Variants in FKBP1A observed in about 807,000 individuals in gnomAD.
FKBP1A encodes the protein peptidyl-prolyl cis-trans isomerase FKBP1A.
Under a neutral mutation model 14.2 loss-of-function variants are expected in FKBP1A, and 5 were observed. The observed-to-expected ratio is 0.35, with a 90% CI of 0.18 to 0.74. The LOEUF is 0.74. FKBP1A is among the 30% of genes least tolerant of loss of function. The probability of loss-of-function intolerance (pLI) is 0.56; values close to 1 mark genes in which losing one functional copy is unlikely to be tolerated. For missense variants in FKBP1A, 53 were observed against 138.8 expected, an observed-to-expected ratio of 0.38 and a Z score of 3.10; for synonymous variants, 42 against 49.1, an observed-to-expected ratio of 0.86 and a Z score of 0.60.
chr20:1,371,044 T>C (rs1296019655), intron 4 of FKBP1A: 2 of 985,308 alleles, frequency 2.0e-6, no homozygotes, highest in African/African-American at 3.5e-5. Context: ...CAGGACCAGG[T>C]TACAAGTAGC....
chr20:1,376,128 G>A lies in FKBP1A; in HGVS notation c.86-525C>T, dbSNP rs1483688849. ...TGCCACCCCCATGGGCTCCTCTGTGGTTCACTAATTGTGACCTACACACAT... is the reference window on the plus strand; with the variant it reads ...TGCCACCCCCATGGGCTCCTCTGTGATTCACTAATTGTGACCTACACACAT... On this transcript the variant is annotated intron_variant, in intron 2 of 4. Coordinates refer to ENST00000400137, the MANE Select transcript of FKBP1A (RefSeq NM_000801.5). Among the ~76,000 whole-genome samples the A allele has an allele frequency of 2.6e-5, 4 of 152,204 alleles. No homozygotes were observed. The East Asian group carries it at 7.7e-4, about 29-fold the overall frequency.
intron 2 of FKBP1A, among the ~76,000 whole-genome samples, chr20:1,390,415 G>A (rs953404815): frequency 6.6e-6 from 1 of 152,100 alleles, no homozygotes; most frequent in African/African-American, 2.4e-5. Flanking sequence ...CCAGTTGGGA[G>A]AAGCAGACAA....
rs1315587440 is a variant in FKBP1A at position 1,386,512 on chromosome 20, T to G, written c.85+6322A>C. 2.0e-5 allele frequency among the ~76,000 whole-genome samples: 3 copies of G among 152,212 alleles called. No individual in the cohort carries two copies. The highest frequency in any genetic ancestry group is 4.4e-5 in the Non-Finnish European group (3 of 68,024). ...GTTGGGGAAAGAGCAGATGTTTAACTACACGGATCCTGACTATGATGGGGG... is the reference window on the plus strand; with the variant it reads ...GTTGGGGAAAGAGCAGATGTTTAACGACACGGATCCTGACTATGATGGGGG... On this transcript the variant is annotated intron_variant, in intron 2 of 4. Coordinates refer to ENST00000400137, the MANE Select transcript of FKBP1A (RefSeq NM_000801.5). The surrounding 1 kb of genome is among the most constrained non-coding windows in gnomAD (Gnocchi z 4.7).
intron 2 of FKBP1A, among the ~76,000 whole-genome samples, chr20:1,387,240 A>AC (rs930082122): frequency 2.2e-4 from 34 of 152,134 alleles, no homozygotes; most frequent in African/African-American, 7.7e-4. Context: ...AAGGTCATGG[A>AC]CCCCACTGAA....
At position 1,384,525 on chromosome 20, in the gene FKBP1A, C is replaced by T. The variant is rs147547113; in HGVS notation, c.85+8309G>A. 4.3e-3 allele frequency among the ~76,000 whole-genome samples: 654 copies of T among 152,260 alleles called. 8 individuals carry two copies. Among genetic ancestry groups the T allele is most frequent in the African/African-American group, 0.015 (633 of 41,542 alleles). Reference sequence around the variant, plus strand: ...CAAAGATAAAGACATAGTCCTTTAGCAAATGATTTATGTTAGAGTTTGAAA... The same window carrying T: ...CAAAGATAAAGACATAGTCCTTTAGTAAATGATTTATGTTAGAGTTTGAAA... On this transcript the variant is annotated intron_variant, in intron 2 of 4. Transcript: ENST00000400137.
chr20:1,381,294 T>G (rs2089614317), intron 2 of FKBP1A, among the ~76,000 whole-genome samples: 1 of 152,146 alleles, frequency 6.6e-6, no homozygotes, highest in Non-Finnish European at 1.5e-5. Context: ...AACAGATACT[T>G]CATTGAAAAA....
intron 4 of FKBP1A, chr20:1,371,002 TA>T: frequency 4.1e-6 from 4 of 985,382 alleles, no homozygotes; most frequent in Non-Finnish European, 4.8e-6. Context: ...ACAGAGAGTT[TA>T]AAAAGCCCCT....
At chr20:1,391,208 G>A (rs1396988089) in intron 2 of FKBP1A, among the ~76,000 whole-genome samples, 2 of 152,106 alleles carry the variant, frequency 1.3e-5, no homozygotes, top group East Asian at 3.9e-4. Context: ...AGGGGGTGCG[G>A]CAGAAGGCAG....
Position 1,369,984 on chromosome 20 carries a change from T to C in FKBP1A, c.*125A>G, listed in dbSNP as rs1306929453. ...AGAACACATTCAGTCAGGGCAGATG[T>C]CTATACAAAGTGGAGTGGAACATCA... is the stretch of plus-strand genomic sequence containing the variant. On this transcript the variant is annotated 3_prime_UTR_variant, in exon 5 of 5. Coordinates refer to ENST00000400137, the MANE Select transcript of FKBP1A (RefSeq NM_000801.5). 2 of 1,544,950 alleles carry C rather than the reference T, an allele frequency of 1.3e-6. No individual in the cohort carries two copies. The highest frequency in any genetic ancestry group is 1.7e-6 in the Non-Finnish European group (2 of 1,143,766).
intron 4 of FKBP1A, 82 bp downstream of exon 4, chr20:1,371,984 GTTTTTTGTTC>G (rs2089471616): frequency 6.6e-7 from 1 of 1,504,304 alleles, no homozygotes; most frequent in Non-Finnish European, 8.9e-7. Context: ...GCCTTGTGGT[GTTTTTTGTTC>G]TCTCTGCTAC....
At chr20:1,388,119 A>C (rs190109621) in intron 2 of FKBP1A, among the ~76,000 whole-genome samples, 1 of 152,368 alleles carries the variant, frequency 6.6e-6, no homozygotes, top group Admixed American at 6.5e-5. Flanking sequence ...CAAATTTAGC[A>C]TCACAACTAG....
rs1219798606 is a variant in FKBP1A, at chr20:1,377,212, G to A, written c.86-1609C>T. ...TAAAAAACAGTGTCAACATTTGTAA[G>A]TAGGATGGGGAGGCAGAGATGAATT... On this transcript the variant is annotated intron_variant, in intron 2 of 4. Coordinates refer to ENST00000400137, the MANE Select transcript of FKBP1A (RefSeq NM_000801.5). 3.3e-5 allele frequency: 5 copies of A among 152,244 alleles called. No homozygotes were observed. The East Asian group carries it at 9.6e-4, about 29-fold the overall frequency. 9.4% of individuals were successfully genotyped at this position (152,244 alleles called of 1,614,324 possible). A position where few individuals can be genotyped will look rare whatever the true frequency, so the allele number is the denominator to read the frequency against.
intron 4 of FKBP1A, chr20:1,371,803 A>T: frequency 9.1e-7 from 1 of 1,104,836 alleles, no homozygotes; most frequent in Non-Finnish European, 1.1e-6. Context: ...ATTCAGTTTT[A>T]ATTTATAAAC....
Position 1,379,102 on chromosome 20 carries a change from C to T in FKBP1A, c.86-3499G>A, listed in dbSNP as rs532061258. Among the ~76,000 whole-genome samples the T allele has an allele frequency of 1.3e-5, 2 of 152,026 alleles. No individual in the cohort carries two copies. The highest frequency in any genetic ancestry group is 4.8e-5 in the African/African-American group (2 of 41,370). On this transcript the variant is annotated intron_variant, in intron 2 of 4. Coordinates refer to ENST00000400137, the MANE Select transcript of FKBP1A (RefSeq NM_000801.5). This position sits in a 1 kb window ranked among gnomAD's most constrained non-coding sequence, Gnocchi z 4.3. ...GTACGGTATACCTATAAAAAATTAG[C>T]CTTATTTCTTGCCAAACTTGAACAC...
At chr20:1,376,790 T>G (rs1451382168) in intron 2 of FKBP1A, 1 of 152,086 alleles carries the variant, frequency 6.6e-6, no homozygotes, top group East Asian at 1.9e-4. Flanking sequence ...CTCTTTCTAT[T>G]ATTCCAGTTT....
chr20:1,371,560 G>A (rs2122652398), intron 4 of FKBP1A, among the ~76,000 whole-genome samples: 1 of 152,318 alleles, frequency 6.6e-6, no homozygotes, highest in East Asian at 1.9e-4. Flanking sequence ...CCCTGAGCAG[G>A]TGGACCGATG....
Position 1,369,941 on chromosome 20 carries a change from G to A in FKBP1A, c.*168C>T. ...AGGGGAAGAGGAAACAGAGGTGTCG[G>A]AAGCAAAGCTGAGTGACAGAACACA... On this transcript the variant is annotated 3_prime_UTR_variant, in exon 5 of 5. Transcript: ENST00000400137. 1.4e-6 allele frequency: 2 copies of A among 1,423,668 alleles called. No individual in the cohort carries two copies. The highest frequency in any genetic ancestry group is 2.7e-5 in the South Asian group (2 of 75,232). 88.2% of individuals were successfully genotyped at this position (1,423,668 alleles called of 1,614,324 possible).
intron 4 of FKBP1A, 101 bp downstream of exon 4, chr20:1,371,975 C>T (rs2089471405): frequency 4.7e-6 from 7 of 1,488,656 alleles, no homozygotes; most frequent in Non-Finnish European, 1.8e-6. Flanking sequence ...GGAAAAATAG[C>T]CTTGTGGTGT....
At chr20:1,389,466 G>A (rs2089708174) in intron 2 of FKBP1A, among the ~76,000 whole-genome samples, 1 of 152,092 alleles carries the variant, frequency 6.6e-6, no homozygotes, top group African/African-American at 2.4e-5. Context: ...GGAGAGGGGG[G>A]AACAAAGCTA....
Sources: allele counts gnomAD v4.1 joint callset (sites outside exome capture counted in the v4.1 genomes callset), GRCh38; gene constraint gnomAD v4.1.1; non-coding constraint Gnocchi (gnomAD v3.1); transcripts MANE v1.5; gene names NCBI Gene and HGNC (gene_info 2026-07-23, HGNC 2026-07-21).